VAMP8: variants seen among roughly 807,000 people sequenced by gnomAD.
The protein encoded by VAMP8 is vesicle-associated membrane protein 8.
Under a neutral mutation model 11.4 loss-of-function variants are expected in VAMP8, and 9 were observed. The observed-to-expected ratio is 0.79, with a 90% CI of 0.48 to 1.38. The LOEUF (loss-of-function observed/expected upper bound fraction) is 1.38. Ranked by LOEUF, VAMP8 falls within the 40% of genes most tolerant of loss-of-function variation. The pLI, the probability that VAMP8 is intolerant of heterozygous loss-of-function variation, is 0.00. For synonymous variants in VAMP8, 42 were observed against 44.7 expected, an observed-to-expected ratio of 0.94 and a Z score of 0.24; for missense variants, 108 against 127.8, an observed-to-expected ratio of 0.85 and a Z score of 0.75.
intron 2 of VAMP8, among the ~76,000 whole-genome samples, chr2:85,580,429 G>A (rs1044646617): frequency 3.3e-5 from 5 of 152,060 alleles, no homozygotes; most frequent in Non-Finnish European, 7.4e-5. Context: ...CCTGGAGCCT[G>A]CACCCCTCAG....
chr2:85,579,748 G>C, intron 2 of VAMP8: 1 of 1,550,732 alleles, frequency 6.4e-7, no homozygotes, highest in Non-Finnish European at 8.7e-7. Flanking sequence ...CCAGCCAGGG[G>C]CTGAGGCCAG....
chr2:85,580,004 A>G, intron 2 of VAMP8: 1 of 1,379,930 alleles, frequency 7.2e-7, no homozygotes. Flanking sequence ...TGCCCAGGTT[A>G]GAGTGAGTGC....
intron 2 of VAMP8, among the ~76,000 whole-genome samples, chr2:85,581,293 A>C (rs1672373637): frequency 6.6e-6 from 1 of 152,142 alleles, no homozygotes; most frequent in Non-Finnish European, 1.5e-5. Flanking sequence ...CAGCCTGGCC[A>C]ACATGGTGAA....
intron 1 of VAMP8, among the ~76,000 whole-genome samples, chr2:85,578,541 G>C (rs1040149771): frequency 6.6e-6 from 1 of 152,186 alleles, no homozygotes; most frequent in African/African-American, 2.4e-5. Context: ...GGGACAGATG[G>C]GTGGGGCTGG....
At position 85,579,986 on chromosome 2, in the gene VAMP8, C is replaced by A; in HGVS notation, c.162+819C>A. ...TTTTTTTTTTTTTTAGACAGAGCCT[C>A]ACTCTGTTGCCCAGGTTAGAGTGAG... On this transcript the variant is annotated intron_variant, in intron 2 of 2. Transcript: ENST00000263864. 9.1e-6 allele frequency: 13 copies of A among 1,421,936 alleles called. No homozygotes were observed. The South Asian group carries it at 2.0e-4, about 22-fold the overall frequency. 88.1% of individuals were successfully genotyped at this position (1,421,936 alleles called of 1,614,324 possible).
At chr2:85,579,800 G>C in intron 2 of VAMP8, 1 of 1,550,694 alleles carries the variant, frequency 6.4e-7, no homozygotes, top group Non-Finnish European at 8.7e-7. Context: ...AGCAAAGTCT[G>C]GAGCCTCAAG....
At chr2:85,581,157 G>A (rs1672370951) in intron 2 of VAMP8, among the ~76,000 whole-genome samples, 2 of 151,720 alleles carry the variant, frequency 1.3e-5, no homozygotes, top group African/African-American at 2.4e-5. Flanking sequence ...CTCCAGCCTG[G>A]GTGACACAGC....
At chr2:85,579,241 G>C (rs1672330273) in intron 2 of VAMP8, 74 bp downstream of exon 2, 4 of 1,447,680 alleles carry the variant, frequency 2.8e-6, no homozygotes, top group African/African-American at 1.4e-5. Flanking sequence ...GGGCAAAATG[G>C]ACAGGAGGGC....
intron 2 of VAMP8, among the ~76,000 whole-genome samples, chr2:85,580,055 G>A (rs1016812289): frequency 2.0e-5 from 3 of 151,882 alleles, no homozygotes; most frequent in Admixed American, 1.3e-4. Context: ...GGGTTCAAAC[G>A]ATTCTCGTGC....
rs772708181 is a variant in VAMP8, at chr2:85,579,067, A to G, written c.62A>G (p.Glu21Gly). ...GTGCGGAACCTGCAAAGTGAGGTGG[A>G]GGGAGTTAAGAATATTATGACCCAG... ...DRVRNLQSEV[E>G]GVKNIMTQNV... The change falls in exon 2 of 3, where the codon GAG becomes GGG. Residue 21 changes from glutamate (E) to glycine (G), a missense_variant. Glu to Gly is a moderately conservative substitution (Grantham distance 98). Coordinates refer to ENST00000263864, the MANE Select transcript of VAMP8 (RefSeq NM_003761.5). 1.2e-6 allele frequency: 2 copies of G among 1,608,534 alleles called. No individual in the cohort carries two copies. Among genetic ancestry groups the G allele is most frequent in the South Asian group, 2.2e-5 (2 of 89,994 alleles).
Position 85,581,596 on chromosome 2 carries a change from A to G in VAMP8, c.183A>G (p.Thr61=), listed in dbSNP as rs770281887. Residue 61 remains threonine, a synonymous_variant, in exon 3 of 3, where the codon ACA becomes ACG. Coordinates refer to ENST00000263864, the MANE Select transcript of VAMP8 (RefSeq NM_003761.5). The part of the protein sequence containing the change: ...LEATSEHFKT[T]SQKVARKFWW... ...AACAGTCTGAGCACTTCAAGACGAC[A>G]TCGCAGAAGGTGGCTCGAAAATTCT... is the stretch of plus-strand genomic sequence containing the variant. 9 of 1,614,032 alleles carry G rather than the reference A, an allele frequency of 5.6e-6. No homozygotes were observed. The East Asian group carries it at 1.8e-4, about 32-fold the overall frequency.
rs369339066 is a variant in VAMP8, at chr2:85,577,593, G to T, written c.-54G>T. The T allele has an allele frequency of 1.0e-5, 16 of 1,551,698 alleles. No individual in the cohort carries two copies. In the African/African-American group the frequency reaches 1.9e-4, roughly 19 times the overall value. On this transcript the variant is annotated 5_prime_UTR_variant, in exon 1 of 3. Coordinates refer to ENST00000263864, the MANE Select transcript of VAMP8 (RefSeq NM_003761.5). ...GGAAGTGAACTGAGGGCCACCCTGG[G>T]AGGAAGCCGACTAGGCGAATTCACT... is the stretch of plus-strand genomic sequence containing the variant.
intron 2 of VAMP8, among the ~76,000 whole-genome samples, chr2:85,581,357 G>A (rs1229085592): frequency 6.6e-6 from 1 of 152,010 alleles, no homozygotes; most frequent in African/African-American, 2.4e-5. Flanking sequence ...GTGGGCACCT[G>A]TAATCCCAGC....
chr2:85,578,390 G>A (rs370678793), intron 1 of VAMP8, among the ~76,000 whole-genome samples: 3 of 152,190 alleles, frequency 2.0e-5, no homozygotes, highest in African/African-American at 7.2e-5. Flanking sequence ...CTTGGTGCCT[G>A]CACGTGTCGC....
At chr2:85,581,277 C>G (rs973897328) in intron 2 of VAMP8, among the ~76,000 whole-genome samples, 2 of 152,090 alleles carry the variant, frequency 1.3e-5, no homozygotes, top group Non-Finnish European at 2.9e-5. Context: ...GTCAGGAGTT[C>G]AAGACCAGCC....
chr2:85,580,921 G>A (rs987525505), intron 2 of VAMP8, among the ~76,000 whole-genome samples: 1 of 151,538 alleles, frequency 6.6e-6, no homozygotes, highest in Non-Finnish European at 1.5e-5. Flanking sequence ...CACCAACCTC[G>A]GCCTCCCAAA....
chr2:85,581,430 A>C, intron 2 of VAMP8, 146 bp from the exon 3 acceptor site: 1 of 1,005,092 alleles, frequency 9.9e-7, no homozygotes, highest in South Asian at 1.7e-5. Flanking sequence ...CAGTGAGCCA[A>C]GATCGAGCCA....
At chr2:85,577,679 G>T (rs1405678586) in intron 1 of VAMP8, 30 bp downstream of exon 1, 1 of 1,551,900 alleles carries the variant, frequency 6.4e-7, no homozygotes, top group Non-Finnish European at 8.7e-7. Context: ...GGAAAGGGCT[G>T]GTTTAAAGAG....
chr2:85,579,902 C>A (rs774950070), intron 2 of VAMP8: 2 of 1,542,152 alleles, frequency 1.3e-6, no homozygotes, highest in South Asian at 2.4e-5. Flanking sequence ...CCCTGGGGCT[C>A]ATTGCCTGTT....
Sources: allele counts gnomAD v4.1 joint callset (sites outside exome capture counted in the v4.1 genomes callset), GRCh38; gene constraint gnomAD v4.1.1; transcripts MANE v1.5; gene names NCBI Gene and HGNC (gene_info 2026-07-23, HGNC 2026-07-21).